CENPP: variants seen among roughly 807,000 people sequenced by gnomAD.
The protein encoded by CENPP is centromere protein P.
Under a neutral mutation model 35.6 loss-of-function variants are expected in CENPP, and 24 were observed. That is an observed-to-expected ratio of 0.67 (90% CI 0.49 to 0.95). CENPP has a LOEUF of 0.95. Ranked by LOEUF, CENPP falls within the 40% of genes least tolerant of loss-of-function variation. CENPP has a pLI of 0.00. For missense variants in CENPP, 332 were observed against 345.3 expected (o/e 0.96, Z 0.31); for synonymous variants, 120 against 125.5 (o/e 0.96, Z 0.29).
intron 5 of CENPP, among the ~76,000 whole-genome samples, chr9:92,521,077 C>G (rs1040018366): frequency 1.3e-5 from 2 of 152,116 alleles, no homozygotes; most frequent in African/African-American, 4.8e-5. Flanking sequence ...GAATTGTACA[C>G]TTTAAAATGG....
rs573714243 is a variant in CENPP at position 92,353,785 on chromosome 9, G to A, written c.467+7998G>A. Among the ~76,000 whole-genome samples, 105 of 152,276 alleles carry A rather than the reference G, an allele frequency of 6.9e-4. 1 individual carries two copies. The highest frequency in any genetic ancestry group is 1.6e-4 in the Non-Finnish European group (11 of 68,030). Reference sequence around the variant, plus strand: ...CAAAAATTTTGCCAGTAGATCACTAGGGGTGTTGGTGAGTGGTGCCACTTC... The same window carrying A: ...CAAAAATTTTGCCAGTAGATCACTAAGGGTGTTGGTGAGTGGTGCCACTTC... On this transcript the variant is annotated intron_variant, in intron 4 of 7. Transcript: ENST00000375587.
At chr9:92,433,931 T>TA (rs896101811) in intron 5 of CENPP, among the ~76,000 whole-genome samples, 7 of 147,934 alleles carry the variant, frequency 4.7e-5, no homozygotes, top group Non-Finnish European at 7.5e-5. Context: ...AGACTTCATC[T>TA]AAAAAAAAAA....
At chr9:92,504,697 G>C (rs910582112) in intron 5 of CENPP, among the ~76,000 whole-genome samples, 1 of 152,024 alleles carries the variant, frequency 6.6e-6, no homozygotes, top group African/African-American at 2.4e-5. Context: ...ACCATGACTG[G>C]CTATTTTTTT....
chr9:92,387,574 A>G (rs1842487256), intron 5 of CENPP, among the ~76,000 whole-genome samples: 1 of 151,732 alleles, frequency 6.6e-6, no homozygotes, highest in African/African-American at 2.4e-5. Context: ...CCTGTGGTAG[A>G]TTTTGCTAAT....
chr9:92,536,955 C>T (rs575224002), intron 5 of CENPP, among the ~76,000 whole-genome samples: 1 of 151,554 alleles, frequency 6.6e-6, no homozygotes, highest in Non-Finnish European at 1.5e-5. Context: ...CTGAAACCTC[C>T]GCCTCCCAGG....
chr9:92,465,903 G>T (rs993588893), intron 5 of CENPP, among the ~76,000 whole-genome samples: 1 of 151,594 alleles, frequency 6.6e-6, no homozygotes, highest in African/African-American at 2.4e-5. Context: ...CGCAATCTCG[G>T]CTCACTGCAA....
chr9:92,588,309 C>T (rs964034322), intron 5 of CENPP, among the ~76,000 whole-genome samples: 11 of 151,370 alleles, frequency 7.3e-5, no homozygotes, highest in African/African-American at 9.7e-5. Flanking sequence ...AGTGCAGTGG[C>T]GCGATCTCGG....
rs538808572 is a variant in CENPP, at chr9:92,498,097, A to G, written c.565-113217A>G. Among the ~76,000 whole-genome samples, 14 of 152,306 alleles carry G rather than the reference A, an allele frequency of 9.2e-5. No individual in the cohort carries two copies. The South Asian group carries it at 2.5e-3, about 27-fold the overall frequency. ...TATAAATTACCCAGCCTTGGGCATTACTTTATAGCATCAGAATTGGACTAA... is the reference window on the plus strand; with the variant it reads ...TATAAATTACCCAGCCTTGGGCATTGCTTTATAGCATCAGAATTGGACTAA... On this transcript the variant is annotated intron_variant, in intron 5 of 7. Coordinates refer to ENST00000375587, the MANE Select transcript of CENPP (RefSeq NM_001012267.3).
intron 5 of CENPP, chr9:92,457,338 G>T: frequency 6.2e-7 from 1 of 1,613,928 alleles, no homozygotes; most frequent in South Asian, 1.1e-5. Flanking sequence ...AAAACACAAC[G>T]AAATGTTGCA....
intron 5 of CENPP, among the ~76,000 whole-genome samples, chr9:92,585,441 TTGTC>T (rs1228262424): frequency 6.6e-6 from 1 of 152,216 alleles, no homozygotes; most frequent in Admixed American, 6.5e-5. Flanking sequence ...TAGAATTTGT[TTGTC>T]TGTACCAAAT....
intron 5 of CENPP, among the ~76,000 whole-genome samples, chr9:92,505,912 C>T (rs187984407): frequency 4.2e-4 from 64 of 151,820 alleles, no homozygotes; most frequent in Admixed American, 3.7e-3. Flanking sequence ...GTGAGGCAGA[C>T]CTGAAAAAAA....
intron 5 of CENPP, chr9:92,390,051 A>T: frequency 3.8e-6 from 6 of 1,565,788 alleles, no homozygotes; most frequent in Non-Finnish European, 5.2e-6. Context: ...AGTCTTCTTA[A>T]GTTAGCTAGA....
intron 5 of CENPP, among the ~76,000 whole-genome samples, chr9:92,508,755 C>T (rs1051850250): frequency 2.0e-5 from 3 of 152,078 alleles, no homozygotes; most frequent in Non-Finnish European, 4.4e-5. Context: ...TTGTTCTTTT[C>T]TCAATACCAG....
At chr9:92,482,665 CAGTCGG>C (rs1684100943) in intron 5 of CENPP, among the ~76,000 whole-genome samples, 1 of 152,182 alleles carries the variant, frequency 6.6e-6, no homozygotes, top group South Asian at 2.1e-4. Flanking sequence ...ATTGAAAGTG[CAGTCGG>C]AGTCATTCAA....
chr9:92,601,179 G>A (rs548402172), intron 5 of CENPP, among the ~76,000 whole-genome samples: 3 of 152,232 alleles, frequency 2.0e-5, no homozygotes, highest in South Asian at 4.1e-4. Flanking sequence ...CTACATGGAC[G>A]TATTTACTTC....
intron 5 of CENPP, among the ~76,000 whole-genome samples, chr9:92,499,692 C>G (rs139255286): frequency 1.6e-4 from 25 of 152,292 alleles, no homozygotes; most frequent in Admixed American, 5.9e-4. Flanking sequence ...TCCCAAACCC[C>G]CATCTCTTCC....
Position 92,616,128 on chromosome 9 carries a change from C to A in CENPP, c.*2979C>A. 9.6e-7 allele frequency: 1 copy of A among 1,040,890 alleles called. No homozygotes were observed. Among genetic ancestry groups the A allele is most frequent in the South Asian group, 1.5e-5 (1 of 67,622 alleles). The allele number at this position is 1,040,890 out of a possible 1,614,324, so 64.5% of individuals were successfully genotyped here. A position where few individuals can be genotyped will look rare whatever the true frequency, so the allele number is the denominator to read the frequency against. On this transcript the variant is annotated 3_prime_UTR_variant, in exon 8 of 8. Coordinates refer to ENST00000375587, the MANE Select transcript of CENPP (RefSeq NM_001012267.3). ...ATTTCCCTCCCTCCCGTTCTCTCTC[C>A]CTTTCTTCTTTCAACTAGTATGTTT... is the stretch of plus-strand genomic sequence containing the variant.
chr9:92,448,005 T>C (rs567506765), intron 5 of CENPP, among the ~76,000 whole-genome samples: 1 of 152,248 alleles, frequency 6.6e-6, no homozygotes, highest in African/African-American at 2.4e-5. Flanking sequence ...AAGGTAATGA[T>C]TACAATGGAT....
At position 92,617,097 on chromosome 9, in the gene CENPP, C is replaced by T. The variant is rs1851465544; in HGVS notation, c.*3948C>T. 6.6e-6 allele frequency: 1 copy of T among 152,188 alleles called. No homozygotes were observed. The highest frequency in any genetic ancestry group is 1.5e-5 in the Non-Finnish European group (1 of 68,046). 9.4% of individuals were successfully genotyped at this position (152,188 alleles called of 1,614,324 possible). A position where few individuals can be genotyped will look rare whatever the true frequency, so the allele number is the denominator to read the frequency against. ...AGCTGCTGGGGTAAGTAACTATTCT[C>T]ATCTGAAGAGTAAACAGCAAATAAC... is the stretch of plus-strand genomic sequence containing the variant. On this transcript the variant is annotated 3_prime_UTR_variant, in exon 8 of 8. Transcript: ENST00000375587.
Sources: gnomAD v4.1 joint callset for allele counts (sites outside exome capture counted in the v4.1 genomes callset) on GRCh38, gnomAD v4.1.1 for gene constraint, MANE v1.5 for transcripts, NCBI Gene and HGNC (gene_info 2026-07-23, HGNC 2026-07-21) for gene names.